TRHDE: variants seen among roughly 807,000 people sequenced by gnomAD.
The protein encoded by TRHDE is thyrotropin-releasing hormone-degrading ectoenzyme.
In TRHDE, 72 loss-of-function variants were observed where a neutral mutation model predicts 125.7. The observed-to-expected ratio is 0.57, with a 90% CI of 0.47 to 0.70. The LOEUF (loss-of-function observed/expected upper bound fraction) is 0.70. TRHDE is among the 30% of genes least tolerant of loss of function. The probability of loss-of-function intolerance (pLI) is 0.00; values close to 1 mark genes in which losing one functional copy is unlikely to be tolerated. For synonymous variants in TRHDE, 509 were observed against 509.1 expected (o/e 1.00, Z 0.00); for missense variants, 1,110 against 1,327.1 (o/e 0.84, Z 2.54).
At chr12:72,470,975 C>T (rs1263760259) in intron 4 of TRHDE, among the ~76,000 whole-genome samples, 1 of 134,478 alleles carries the variant, frequency 7.4e-6, no homozygotes, top group Non-Finnish European at 1.5e-5. Flanking sequence ...CTCCCAGGTT[C>T]AAGTGATTCT....
At chr12:72,396,743 AAAAC>A (rs144544731) in intron 3 of TRHDE, among the ~76,000 whole-genome samples, 15,246 of 151,970 alleles carry the variant, frequency 0.1, 1,204 homozygotes, top group East Asian at 0.47. Flanking sequence ...ACTCCATCTC[AAAAC>A]AAACAAACAA....
At chr12:72,319,577 CT>C (rs1434622556) in intron 2 of TRHDE, among the ~76,000 whole-genome samples, 1 of 152,132 alleles carries the variant, frequency 6.6e-6, no homozygotes, top group African/African-American at 2.4e-5. Flanking sequence ...CTTTCTCTAT[CT>C]TTCTCTATCA....
chr12:72,629,632 G>A (rs1184290427), intron 15 of TRHDE, among the ~76,000 whole-genome samples: 3 of 151,570 alleles, frequency 2.0e-5, no homozygotes, highest in African/African-American at 7.3e-5. Flanking sequence ...CTGGAATTTT[G>A]TTGGCTGAGT....
rs531861372 is a variant in TRHDE, at chr12:72,662,980, T to G, written c.3067-72T>G. The G allele has an allele frequency of 9.9e-5, 143 of 1,441,684 alleles. No individual in the cohort carries two copies. The African/African-American group carries it at 1.9e-3, about 19-fold the overall frequency. 89.3% of individuals were successfully genotyped at this position (1,441,684 alleles called of 1,614,324 possible). A position where few individuals can be genotyped will look rare whatever the true frequency, so the allele number is the denominator to read the frequency against. On this transcript the variant is annotated intron_variant, in intron 18 of 18. Coordinates refer to ENST00000261180, the MANE Select transcript of TRHDE (RefSeq NM_013381.3). ...GTTTTTTAATGTTTCAAATAGATTC[T>G]TGTTCATGTTTGTTGGACATGAGTT...
intron 2 of TRHDE, among the ~76,000 whole-genome samples, chr12:72,333,806 G>GT (rs1159132341): frequency 6.6e-6 from 1 of 152,166 alleles, no homozygotes. Context: ...ATATTTTTCT[G>GT]TTAGGAGTAC....
At chr12:72,339,220 A>G (rs751899748) in intron 2 of TRHDE, among the ~76,000 whole-genome samples, 8 of 152,168 alleles carry the variant, frequency 5.3e-5, no homozygotes, top group Non-Finnish European at 8.8e-5. Flanking sequence ...AAGCTCTTAC[A>G]CAGTTTAATT....
chr12:72,597,818 CT>C (rs966702761), intron 12 of TRHDE, among the ~76,000 whole-genome samples: 8 of 140,388 alleles, frequency 5.7e-5, no homozygotes, highest in Admixed American at 7.3e-5. Context: ...AACTATGAGA[CT>C]TTTTTATAAT....
chr12:72,099,975 G>C (rs898679440), intron 1 of TRHDE, among the ~76,000 whole-genome samples: 42 of 152,152 alleles, frequency 2.8e-4, no homozygotes, highest in Non-Finnish European at 2.9e-5. Flanking sequence ...TCTGTAGGTA[G>C]TAAAGATATG....
intron 6 of TRHDE, among the ~76,000 whole-genome samples, chr12:72,510,229 A>G (rs567775147): frequency 1.0e-3 from 158 of 152,312 alleles, no homozygotes; most frequent in Admixed American, 1.4e-3. Context: ...AATCAGTTAC[A>G]TATATACTAA....
chr12:72,634,187 G>C (rs1873619097), intron 15 of TRHDE, among the ~76,000 whole-genome samples: 1 of 152,180 alleles, frequency 6.6e-6, no homozygotes, highest in East Asian at 1.9e-4. Context: ...GGCACAAAAA[G>C]TTGCCCATTC....
Position 72,531,343 on chromosome 12 carries a change from A to T in TRHDE, c.1723-10948A>T, listed in dbSNP as rs377673343. On this transcript the variant is annotated intron_variant, in intron 6 of 18. Coordinates refer to ENST00000261180, the MANE Select transcript of TRHDE (RefSeq NM_013381.3). ...TTAATCTGTTTTCCTATTCATTTTA[A>T]TAATTAATTAATGAGAGTTGCTTTT... 3.9e-5 allele frequency among the ~76,000 whole-genome samples: 6 copies of T among 152,090 alleles called. No homozygotes were observed. The East Asian group carries it at 7.7e-4, about 20-fold the overall frequency.
At chr12:72,416,488 A>G (rs888834728) in intron 3 of TRHDE, among the ~76,000 whole-genome samples, 4 of 151,840 alleles carry the variant, frequency 2.6e-5, no homozygotes, top group Non-Finnish European at 5.9e-5. Flanking sequence ...AGTTTCCCCA[A>G]TGTTTACTTC....
At chr12:72,131,239 T>C (rs111671369) in intron 2 of TRHDE, among the ~76,000 whole-genome samples, 1 of 151,582 alleles carries the variant, frequency 6.6e-6, no homozygotes, top group Non-Finnish European at 1.5e-5. Flanking sequence ...GCCCGGCTAA[T>C]TTTTTTGTAG....
chr12:72,125,511 C>T (rs182578305), intron 2 of TRHDE, among the ~76,000 whole-genome samples: 3 of 152,270 alleles, frequency 2.0e-5, no homozygotes, highest in Non-Finnish European at 4.4e-5. Context: ...GTTCCCTTCA[C>T]ATACCATCTT....
chr12:72,529,167 A>C (rs889922431), intron 6 of TRHDE, among the ~76,000 whole-genome samples: 5 of 152,160 alleles, frequency 3.3e-5, no homozygotes, highest in African/African-American at 1.2e-4. Context: ...AGAGTAAGAA[A>C]TTTATATAAA....
intron 2 of TRHDE, among the ~76,000 whole-genome samples, chr12:72,205,095 A>ATCT (rs1400803211): frequency 1.3e-5 from 2 of 152,206 alleles, no homozygotes; most frequent in Non-Finnish European, 2.9e-5. Context: ...TTGATAAATG[A>ATCT]TCTGAGCTAA....
chr12:72,272,886 A>G lies in TRHDE; in HGVS notation c.243A>G (p.Val81=). The change falls in exon 1 of 19, where the codon GTA becomes GTG. Residue 81 remains valine, a synonymous_variant. Transcript: ENST00000261180. This position sits in a 1 kb window ranked among gnomAD's most constrained non-coding sequence, Gnocchi z 6.7. The part of the protein sequence containing the change: ...RPRTTERHIA[V]HKRLVLAFAV... ...GCACCACGGAGCGCCACATCGCCGT[A>G]CACAAGCGGCTTGTGCTGGCCTTCG... The G allele has an allele frequency of 1.9e-6, 3 of 1,580,600 alleles. No homozygotes were observed. Among genetic ancestry groups the G allele is most frequent in the Non-Finnish European group, 2.6e-6 (3 of 1,171,272 alleles).
chr12:72,132,774 CAG>C (rs1875893613), intron 2 of TRHDE, among the ~76,000 whole-genome samples: 1 of 152,118 alleles, frequency 6.6e-6, no homozygotes, highest in Non-Finnish European at 1.5e-5. Context: ...GACATGAACA[CAG>C]AGAATTATCT....
intron 2 of TRHDE, among the ~76,000 whole-genome samples, chr12:72,183,744 G>A (rs988275521): frequency 5.3e-5 from 8 of 152,134 alleles, no homozygotes; most frequent in Admixed American, 5.2e-4. Context: ...GCATACAGAA[G>A]TGGTGCCCAA....
Sources: allele counts gnomAD v4.1 joint callset (sites outside exome capture counted in the v4.1 genomes callset), GRCh38; gene constraint gnomAD v4.1.1; non-coding constraint Gnocchi (gnomAD v3.1); transcripts MANE v1.5; gene names NCBI Gene and HGNC (gene_info 2026-07-23, HGNC 2026-07-21).